Variants in SLC35F4 observed in about 807,000 individuals in gnomAD.
The protein encoded by SLC35F4 is solute carrier family 35 member F4, also known as chromosome 14 open reading frame 36.
Under a neutral mutation model 44.2 loss-of-function variants are expected in SLC35F4, and 24 were observed. That is an observed-to-expected ratio of 0.54 (90% CI 0.39 to 0.76). The LOEUF (loss-of-function observed/expected upper bound fraction) is 0.76, where lower values mean the gene tolerates loss of function less well. Among genes scored for constraint, SLC35F4 ranks in the 30% least tolerant of loss-of-function variants. The pLI, the probability that SLC35F4 is intolerant of heterozygous loss-of-function variation, is 0.00. For synonymous variants in SLC35F4, 238 were observed against 223.6 expected, an observed-to-expected ratio of 1.06 and a Z score of -0.57; for missense variants, 562 against 586.1, an observed-to-expected ratio of 0.96 and a Z score of 0.42.
At chr14:57,791,091 A>G (rs2077906109) in intron 1 of SLC35F4, among the ~76,000 whole-genome samples, 1 of 152,248 alleles carries the variant, frequency 6.6e-6, no homozygotes, top group Non-Finnish European at 1.5e-5. Flanking sequence ...CTTCATGACT[A>G]AAACACCAAA....
At chr14:57,857,096 T>C (rs1362263735) in intron 1 of SLC35F4, among the ~76,000 whole-genome samples, 1 of 151,610 alleles carries the variant, frequency 6.6e-6, no homozygotes, top group Non-Finnish European at 1.5e-5. Flanking sequence ...GCCAACATGG[T>C]GAAACCCCAT....
intron 1 of SLC35F4, among the ~76,000 whole-genome samples, chr14:57,937,784 CGT>C (rs1566505891): frequency 2.6e-5 from 4 of 151,980 alleles, no homozygotes; most frequent in African/African-American, 9.7e-5. Flanking sequence ...TGAAGGTGAA[CGT>C]CTGGGCAGAA....
At chr14:57,718,379 T>C (rs1264665008) in intron 1 of SLC35F4, among the ~76,000 whole-genome samples, 2 of 152,316 alleles carry the variant, frequency 1.3e-5, no homozygotes, top group East Asian at 1.9e-4. Context: ...GATTGCTGAA[T>C]TGTATGGTAG....
intron 1 of SLC35F4, among the ~76,000 whole-genome samples, chr14:57,811,375 A>G (rs1048613594): frequency 1.2e-4 from 19 of 152,186 alleles, no homozygotes; most frequent in African/African-American, 3.9e-4. Flanking sequence ...GGTATGGCAG[A>G]GGTATTATGA....
chr14:57,597,494 T>C (rs898988561), intron 1 of SLC35F4, among the ~76,000 whole-genome samples: 5 of 152,220 alleles, frequency 3.3e-5, no homozygotes, highest in African/African-American at 7.2e-5. Context: ...GTTAGACAAA[T>C]GAAGAATAGT....
intron 1 of SLC35F4, among the ~76,000 whole-genome samples, chr14:57,691,092 G>A (rs777145349): frequency 9.2e-5 from 14 of 152,038 alleles, no homozygotes; most frequent in Non-Finnish European, 1.5e-4. Context: ...ATTTATTAAT[G>A]TAAATGAGGT....
intron 1 of SLC35F4, among the ~76,000 whole-genome samples, chr14:57,722,326 G>C (rs1168029582): frequency 6.6e-6 from 1 of 152,182 alleles, no homozygotes; most frequent in African/African-American, 2.4e-5. Context: ...ATTTCCCTTG[G>C]TTTAATGTAC....
At chr14:57,690,836 A>C (rs2075210615) in intron 1 of SLC35F4, among the ~76,000 whole-genome samples, 1 of 152,066 alleles carries the variant, frequency 6.6e-6, no homozygotes, top group Non-Finnish European at 1.5e-5. Flanking sequence ...GCCACTACTG[A>C]TCTGACAGGA....
chr14:57,910,383 G>C (rs1186764255), intron 1 of SLC35F4, among the ~76,000 whole-genome samples: 1 of 151,908 alleles, frequency 6.6e-6, no homozygotes, highest in Non-Finnish European at 1.5e-5. Context: ...CATACCCAAG[G>C]TCACTTAGGC....
chr14:57,620,177 A>G (rs939347272), intron 1 of SLC35F4, among the ~76,000 whole-genome samples: 2 of 152,206 alleles, frequency 1.3e-5, no homozygotes, highest in African/African-American at 2.4e-5. Flanking sequence ...ATTCCAATTC[A>G]GGAAATACAG....
intron 1 of SLC35F4, among the ~76,000 whole-genome samples, chr14:57,965,892 G>A (rs1201717935): frequency 6.6e-6 from 1 of 152,174 alleles, no homozygotes; most frequent in Non-Finnish European, 1.5e-5. Flanking sequence ...TAAGCAGCCT[G>A]ATTTCCTTCC....
chr14:57,569,085 C>T lies in SLC35F4; in HGVS notation c.1126+703G>A, dbSNP rs542099936. Among the ~76,000 whole-genome samples, 43 of 152,218 alleles carry T rather than the reference C, an allele frequency of 2.8e-4. No individual in the cohort carries two copies. In the South Asian group the frequency reaches 5.2e-3, roughly 18 times the overall value. ...TGGCAATGAAGACATTACAAGGACT[C>T]GAGGTGACTTTTTCTTGGCCATTAA... On this transcript the variant is annotated intron_variant, in intron 6 of 7. Coordinates refer to ENST00000556826, the MANE Select transcript of SLC35F4 (RefSeq NM_001306087.2).
At chr14:57,824,955 CTG>C (rs1354799319) in intron 1 of SLC35F4, among the ~76,000 whole-genome samples, 4 of 151,934 alleles carry the variant, frequency 2.6e-5, no homozygotes, top group Non-Finnish European at 4.4e-5. Flanking sequence ...GAAGAACAGA[CTG>C]AGAGTCAAGG....
At chr14:57,688,334 G>A (rs2075128408) in intron 1 of SLC35F4, among the ~76,000 whole-genome samples, 1 of 152,152 alleles carries the variant, frequency 6.6e-6, no homozygotes, top group African/African-American at 2.4e-5. Context: ...GATAAATTAG[G>A]TTTGATTGCA....
chr14:57,715,625 T>A (rs1289399168), intron 1 of SLC35F4, among the ~76,000 whole-genome samples: 1 of 152,124 alleles, frequency 6.6e-6, no homozygotes, highest in African/African-American at 2.4e-5. Flanking sequence ...TTTTTGAAGT[T>A]AAGGTAGCCC....
At chr14:57,591,272 C>A (rs1440451693) in intron 2 of SLC35F4, among the ~76,000 whole-genome samples, 1 of 149,996 alleles carries the variant, frequency 6.7e-6, no homozygotes, top group Non-Finnish European at 1.5e-5. Flanking sequence ...GATACAATGC[C>A]AGACAAGTAC....
chr14:57,820,643 C>A (rs1032923291), intron 1 of SLC35F4, among the ~76,000 whole-genome samples: 2 of 152,138 alleles, frequency 1.3e-5, no homozygotes, highest in Non-Finnish European at 2.9e-5. Flanking sequence ...AATGTATCTG[C>A]GGAATGAGTG....
chr14:57,592,624 G>A lies in SLC35F4; in HGVS notation c.289+1315C>T, dbSNP rs115141876. On this transcript the variant is annotated intron_variant, in intron 2 of 7. Transcript: ENST00000556826. ...AAGCCAATTAAAACTTTCTGAAAAT[G>A]TAAGATGTCATTATTTTTCTAAGTT... Among the ~76,000 whole-genome samples the A allele has an allele frequency of 2.6e-3, 398 of 152,270 alleles. 1 individual carries two copies. Among genetic ancestry groups the A allele is most frequent in the African/African-American group, 8.9e-3 (370 of 41,556 alleles).
intron 1 of SLC35F4, among the ~76,000 whole-genome samples, chr14:57,831,166 C>T (rs1279829225): frequency 6.6e-6 from 1 of 152,182 alleles, no homozygotes; most frequent in South Asian, 2.1e-4. Context: ...TCCTCCCATT[C>T]CTTTCCTGAC....
Sources: allele counts gnomAD v4.1 joint callset (sites outside exome capture counted in the v4.1 genomes callset), GRCh38; gene constraint gnomAD v4.1.1; transcripts MANE v1.5; gene names NCBI Gene and HGNC (gene_info 2026-07-23, HGNC 2026-07-21).